MPP7: variants seen among roughly 807,000 people sequenced by gnomAD.
MPP7 encodes MAGUK p55 scaffold protein 7, also known as MAGUK p55 subfamily member 7.
MPP7 carries 60 observed loss-of-function variants against 76.5 expected under a neutral mutation model. The ratio of observed to expected loss-of-function variants is 0.78; its 90% confidence interval spans 0.64 to 0.97. MPP7 has a LOEUF of 0.97. MPP7 is among the 50% of genes least tolerant of loss of function. MPP7 has a pLI of 0.00. For synonymous variants in MPP7, 237 were observed against 244.5 expected (o/e 0.97, Z 0.29); for missense variants, 641 against 694.0 (o/e 0.92, Z 0.86).
At chr10:28,299,103 A>G (rs7916067) in intron 1 of MPP7, among the ~76,000 whole-genome samples, 17,978 of 152,202 alleles carry the variant, frequency 0.12, 1,703 homozygotes, top group East Asian at 0.48. Flanking sequence ...GACGTTCAGC[A>G]GAGTAGCACT....
At chr10:28,287,394 C>T (rs1840813709) in intron 1 of MPP7, among the ~76,000 whole-genome samples, 1 of 152,114 alleles carries the variant, frequency 6.6e-6, no homozygotes, top group South Asian at 2.1e-4. Context: ...GTGATGGACA[C>T]GTTTATCACC....
chr10:28,077,371 G>C (rs1391698426), intron 12 of MPP7, among the ~76,000 whole-genome samples: 1 of 152,118 alleles, frequency 6.6e-6, no homozygotes, highest in Admixed American at 6.5e-5. Context: ...CCCAAGAAAG[G>C]TTAAAAATAG....
chr10:28,232,405 C>T (rs550158009), intron 2 of MPP7, among the ~76,000 whole-genome samples: 4 of 148,020 alleles, frequency 2.7e-5, no homozygotes, highest in East Asian at 1.9e-4. Flanking sequence ...TGATTGGTAA[C>T]GTAAGATGGA....
At chr10:28,233,543 T>C (rs763287748) in intron 2 of MPP7, among the ~76,000 whole-genome samples, 2 of 146,672 alleles carry the variant, frequency 1.4e-5, no homozygotes, top group African/African-American at 5.1e-5. Context: ...CCCGTCTCTA[T>C]TAAAAAAAAA....
At chr10:28,135,685 C>T (rs1455666101) in intron 5 of MPP7, among the ~76,000 whole-genome samples, 1 of 152,000 alleles carries the variant, frequency 6.6e-6, no homozygotes, top group Non-Finnish European at 1.5e-5. Flanking sequence ...TTCATAGGCA[C>T]TGAGAAGAGT....
intron 2 of MPP7, among the ~76,000 whole-genome samples, chr10:28,230,221 AAGAAT>A (rs1484536438): frequency 1.3e-5 from 2 of 152,198 alleles, no homozygotes; most frequent in Non-Finnish European, 2.9e-5. Flanking sequence ...AATAGAAAGA[AAGAAT>A]AGGACAAAGA....
intron 1 of MPP7, among the ~76,000 whole-genome samples, chr10:28,331,843 G>C (rs1265188007): frequency 6.6e-6 from 1 of 152,104 alleles, no homozygotes; most frequent in Non-Finnish European, 1.5e-5. Context: ...CCAAAGTGCG[G>C]GAATTACAAG....
At chr10:28,262,192 TATATATATATATATAC>T (rs1839977484) in intron 1 of MPP7, among the ~76,000 whole-genome samples, 1 of 19,106 alleles carries the variant, frequency 5.2e-5, no homozygotes, top group Non-Finnish European at 1.2e-4. Flanking sequence ...AAATTATATA[TATATATATATATATAC>T]ATATATATAT....
At chr10:28,305,931 A>G (rs79157859), upstream of MPP7, 1 of 152,250 alleles carries the variant, frequency 6.6e-6, no homozygotes, top group Admixed American at 6.5e-5. Context: ...GTAAATGCCC[A>G]CTTTCAACCA....
chr10:28,205,377 G>GT (rs1163764478), intron 2 of MPP7, among the ~76,000 whole-genome samples: 2 of 152,174 alleles, frequency 1.3e-5, no homozygotes, highest in African/African-American at 4.8e-5. Context: ...ATGGTGAAGA[G>GT]TTTTGTGAAA....
At position 28,120,346 on chromosome 10, in the gene MPP7, C is replaced by T. The variant is rs776811525; in HGVS notation, c.735G>A (p.Lys245=). 19 of 1,613,868 alleles carry T rather than the reference C, an allele frequency of 1.2e-5. No homozygotes were observed. The Admixed American group carries it at 2.3e-4, about 20-fold the overall frequency. The change falls in exon 10 of 17, where the codon AAG becomes AAA. Residue 245 remains lysine, a synonymous_variant. Transcript: ENST00000683449. ...ALFDYNPNED[K]AIPCKEAGLS... is the part of the protein sequence containing the mutation. ...GCCCAGCTTCCTTACATGGAATTGC[C>T]TTATCCTCATTAGGATTATAGTCAA... is the stretch of plus-strand genomic sequence containing the variant.
chr10:28,307,731 T>A (rs577435079), upstream of MPP7: 4 of 152,340 alleles, frequency 2.6e-5, no homozygotes, highest in East Asian at 7.7e-4. Flanking sequence ...ACAGTTAAAC[T>A]TTCCCTCTGC....
intron 11 of MPP7, among the ~76,000 whole-genome samples, chr10:28,106,629 T>G (rs1454318699): frequency 6.6e-6 from 1 of 152,192 alleles, no homozygotes; most frequent in Non-Finnish European, 1.5e-5. Context: ...TTCTTTACCA[T>G]TGGCTCGGTC....
At chr10:28,121,162 C>T (rs1564641554) in intron 8 of MPP7, among the ~76,000 whole-genome samples, 1 of 151,922 alleles carries the variant, frequency 6.6e-6, no homozygotes, top group Non-Finnish European at 1.5e-5. Flanking sequence ...TAAAAATTAG[C>T]CAAGCGTGGT....
intron 5 of MPP7, among the ~76,000 whole-genome samples, chr10:28,145,332 A>T (rs1462567879): frequency 6.6e-6 from 1 of 152,168 alleles, no homozygotes; most frequent in African/African-American, 2.4e-5. Flanking sequence ...TAACTTCCCT[A>T]ATCCACTAGA....
chr10:28,266,114 C>T (rs917066002), intron 1 of MPP7, among the ~76,000 whole-genome samples: 13 of 152,096 alleles, frequency 8.5e-5, no homozygotes, highest in East Asian at 1.9e-4. Context: ...CGCCCACCAC[C>T]GTGCCCAGCT....
At chr10:28,266,444 A>G (rs2132989347) in intron 1 of MPP7, among the ~76,000 whole-genome samples, 1 of 152,310 alleles carries the variant, frequency 6.6e-6, no homozygotes, top group Non-Finnish European at 1.5e-5. Context: ...TAGTTTTGCC[A>G]TGAAGAATTA....
chr10:28,075,996 A>C (rs1434788768), intron 12 of MPP7, among the ~76,000 whole-genome samples: 1 of 152,212 alleles, frequency 6.6e-6, no homozygotes, highest in Non-Finnish European at 1.5e-5. Flanking sequence ...TGTTGAATGA[A>C]CCAAAGGAGT....
At chr10:28,183,613 C>G (rs951297863) in intron 3 of MPP7, among the ~76,000 whole-genome samples, 5 of 152,114 alleles carry the variant, frequency 3.3e-5, no homozygotes, top group African/African-American at 4.8e-5. Context: ...CATAGCAAGA[C>G]CTCATCTCAG....
Sources: allele counts gnomAD v4.1 joint callset (sites outside exome capture counted in the v4.1 genomes callset), GRCh38; gene constraint gnomAD v4.1.1; transcripts MANE v1.5; gene names NCBI Gene and HGNC (gene_info 2026-07-23, HGNC 2026-07-21).